IL10RB: variants seen among roughly 807,000 people sequenced by gnomAD.
IL10RB encodes the protein interleukin 10 receptor subunit beta, also known as interleukin-10 receptor subunit beta.
IL10RB carries 30 observed loss-of-function variants against 38.7 expected under a neutral mutation model. The ratio of observed to expected loss-of-function variants is 0.78; its 90% CI spans 0.58 to 1.05. The LOEUF is 1.05. IL10RB is among the 50% of genes least tolerant of loss of function. The probability of loss-of-function intolerance (pLI) is 0.00; values close to 1 mark genes in which losing one functional copy is unlikely to be tolerated. For synonymous variants in IL10RB, 142 were observed against 145.9 expected (o/e 0.97, Z 0.19); for missense variants, 328 against 397.1 (o/e 0.83, Z 1.48).
Position 33,283,135 on chromosome 21 carries a change from C to G in IL10RB, c.540C>G (p.Asn180Lys), listed in dbSNP as rs1369419963. The G allele has an allele frequency of 1.9e-6, 3 of 1,613,698 alleles. No homozygotes were observed. In the South Asian group the frequency reaches 3.3e-5, roughly 18 times the overall value. ...TPQYDFEVLR[N>K]LEPWTTYCVQ... ...AGTATGACTTTGAGGTCCTCAGAAA[C>G]CTGGAGCCATGGACAACTTATTGTG... The change falls in exon 5 of 7, where the codon AAC becomes AAG. Residue 180 changes from asparagine to lysine, a missense_variant. By Grantham distance (94) the Asn-to-Lys change is moderately conservative (BLOSUM62 0). Coordinates refer to ENST00000290200, the MANE Select transcript of IL10RB (RefSeq NM_000628.5).
chr21:33,293,806 C>CA (rs5843595), intron 6 of IL10RB, among the ~76,000 whole-genome samples: 11,808 of 145,728 alleles, frequency 0.081, 529 homozygotes, highest in South Asian at 0.13. Context: ...GACTCGATCT[C>CA]AAAAAAAAAA....
downstream of IL10RB, among the ~76,000 whole-genome samples, chr21:33,299,862 T>A (rs2082981362): frequency 6.6e-6 from 1 of 152,258 alleles, no homozygotes; most frequent in Non-Finnish European, 1.5e-5. Context: ...CTGTGTGACC[T>A]TATGTTATCT....
intron 1 of IL10RB, 25 bp downstream of exon 1, chr21:33,266,539 G>A (rs1029266382): frequency 1.9e-6 from 3 of 1,540,240 alleles, no homozygotes; most frequent in South Asian, 2.4e-5. Context: ...GGGAGGGGGC[G>A]CGCTTGGGAA....
At chr21:33,306,198 T>TCC (rs2082998562) in intron 1 of IL10RB, among the ~76,000 whole-genome samples, 1 of 152,110 alleles carries the variant, frequency 6.6e-6, no homozygotes, top group African/African-American at 2.4e-5. Flanking sequence ...AGAATGGATC[T>TCC]GGAGAGGCAG....
At chr21:33,270,334 G>A (rs903398574) in intron 2 of IL10RB, among the ~76,000 whole-genome samples, 3 of 148,970 alleles carry the variant, frequency 2.0e-5, no homozygotes, top group African/African-American at 7.4e-5. Flanking sequence ...CTGTCTCCCT[G>A]TAGTTTTTCT....
At chr21:33,291,321 AGTGGC>A (rs1457050900) in intron 6 of IL10RB, among the ~76,000 whole-genome samples, 1 of 151,514 alleles carries the variant, frequency 6.6e-6, no homozygotes, top group Non-Finnish European at 1.5e-5. Context: ...GCTGGAGTGG[AGTGGC>A]ATGATTTCGG....
intron 2 of IL10RB, among the ~76,000 whole-genome samples, chr21:33,276,322 A>G (rs574826776): frequency 2.0e-5 from 3 of 152,310 alleles, no homozygotes; most frequent in African/African-American, 7.2e-5. Context: ...TTGTAAATCA[A>G]TGTCTCATAA....
At chr21:33,279,648 A>G (rs1291728453) in intron 3 of IL10RB, 104 bp from the exon 4 acceptor site, 5 of 928,244 alleles carry the variant, frequency 5.4e-6, no homozygotes, top group Non-Finnish European at 8.9e-6. Context: ...ATATCAAAGC[A>G]GTGTACTTCC....
At chr21:33,267,149 ACCT>A (rs1988969625) in intron 1 of IL10RB, among the ~76,000 whole-genome samples, 1 of 151,346 alleles carries the variant, frequency 6.6e-6, no homozygotes, top group African/African-American at 2.4e-5. Flanking sequence ...CACCATGGTC[ACCT>A]CCTTCCTTTC....
chr21:33,303,843 A>T (rs879615506), intron 1 of IL10RB, among the ~76,000 whole-genome samples: 1 of 152,212 alleles, frequency 6.6e-6, no homozygotes. Flanking sequence ...GAGAGAACAC[A>T]GGCCAGGGAT....
chr21:33,287,537 T>A (rs536651707), intron 5 of IL10RB, among the ~76,000 whole-genome samples: 176 of 152,090 alleles, frequency 1.2e-3, no homozygotes, highest in Admixed American at 1.8e-3. Flanking sequence ...TTTTAAAAAA[T>A]TTTTTTTGTT....
At chr21:33,277,882 A>C (rs554755141) in intron 3 of IL10RB, among the ~76,000 whole-genome samples, 104 of 150,250 alleles carry the variant, frequency 6.9e-4, no homozygotes, top group South Asian at 4.0e-3. Context: ...CATGTTGGCC[A>C]GGCTGGTCTT....
chr21:33,309,962 A>G (rs1487308671), exon 2 of IL10RB: 2 of 152,204 alleles, frequency 1.3e-5, no homozygotes, highest in Non-Finnish European at 1.5e-5. Context: ...TTAAGGTTAA[A>G]TGAGGTCATA....
chr21:33,270,495 C>G (rs1348170908), intron 2 of IL10RB, among the ~76,000 whole-genome samples: 1 of 151,944 alleles, frequency 6.6e-6, no homozygotes, highest in African/African-American at 2.4e-5. Flanking sequence ...ATTCTCCTGC[C>G]TCAGCCTCCC....
intron 6 of IL10RB, among the ~76,000 whole-genome samples, chr21:33,295,533 A>G (rs544153166): frequency 2.0e-5 from 3 of 150,172 alleles, no homozygotes; most frequent in Non-Finnish European, 3.0e-5. Flanking sequence ...TTAGCCAGGC[A>G]TGGTGGCGGG....
intron 1 of IL10RB, among the ~76,000 whole-genome samples, chr21:33,305,358 TC>T (rs2082996553): frequency 6.6e-6 from 1 of 152,156 alleles, no homozygotes; most frequent in East Asian, 1.9e-4. Context: ...GATCCTCCCA[TC>T]TCGGCCTCTC....
rs951259525 is a variant in IL10RB at position 33,268,001 on chromosome 21, A to G, written c.50-393A>G. 9 of 339,738 alleles carry G rather than the reference A, an allele frequency of 2.6e-5. No homozygotes were observed. The Admixed American group carries it at 2.9e-4, about 11-fold the overall frequency. The allele number at this position is 339,738 out of a possible 1,614,324, so 21.0% of individuals were successfully genotyped here. ...TCGTGAGTTCCCCAGCTGAGCTCCA[A>G]TCGGGGCACCAGCTGCTTAAGCCCA... On this transcript the variant is annotated intron_variant, in intron 1 of 6. Transcript: ENST00000290200.
At position 33,277,351 on chromosome 21, in the gene IL10RB, T is replaced by C. The variant is rs139994593; in HGVS notation, c.331+598T>C. Among the ~76,000 whole-genome samples the C allele has an allele frequency of 7.5e-3, 1,128 of 151,078 alleles. 17 individuals carry two copies. The highest frequency in any genetic ancestry group is 0.027 in the Middle Eastern group (8 of 292). ...CTTGGTCTCAAAAAAAAAAAAAATA[T>C]TGTTCCCAGGTTAGATTTGGAGGGT... On this transcript the variant is annotated intron_variant, in intron 3 of 6. Transcript: ENST00000290200.
In IL10RB at chr21:33,288,175, G is replaced by T. The variant is rs777514296; in HGVS notation, c.718G>T (p.Gly240Cys). Residue 240 changes from glycine to cysteine, a missense_variant, in exon 6 of 7, where the codon GGC becomes TGC. Transcript: ENST00000290200. ...SVFMVCLALL[G>C]CFALLWCVYK... is the part of the protein sequence containing the mutation. Reference sequence around the variant, plus strand: ...CTTCATGGTCTGCCTGGCACTCCTCGGCTGCTTCGCCTTGCTGTGGTGCGT... The same window carrying T: ...CTTCATGGTCTGCCTGGCACTCCTCTGCTGCTTCGCCTTGCTGTGGTGCGT... 1 of 1,613,866 alleles carries T rather than the reference G, an allele frequency of 6.2e-7. No homozygotes were observed. The highest frequency in any genetic ancestry group is 8.5e-7 in the Non-Finnish European group (1 of 1,179,962).
Sources: gnomAD v4.1 joint callset for allele counts (sites outside exome capture counted in the v4.1 genomes callset) on GRCh38, gnomAD v4.1.1 for gene constraint, MANE v1.5 for transcripts, NCBI Gene and HGNC (gene_info 2026-07-23, HGNC 2026-07-21) for gene names.